APCDD1: variants seen among roughly 807,000 people sequenced by gnomAD.
APCDD1 encodes the protein protein APCDD1.
Under a neutral mutation model 38.1 loss-of-function variants are expected in APCDD1, and 15 were observed. That is an observed-to-expected ratio of 0.39 (90% CI 0.26 to 0.61). The LOEUF is 0.61. Ranked by LOEUF, APCDD1 falls within the 20% of genes least tolerant of loss-of-function variation. APCDD1 has a pLI of 0.49. For missense variants in APCDD1, 647 were observed against 696.2 expected, an observed-to-expected ratio of 0.93 and a Z score of 0.79; for synonymous variants, 261 against 279.7, an observed-to-expected ratio of 0.93 and a Z score of 0.67.
chr18:10,488,533 T>C lies in APCDD1; in HGVS notation c.*495T>C, dbSNP rs2031303840. The C allele has an allele frequency of 6.3e-6, 1 of 159,294 alleles. No individual in the cohort carries two copies. The highest frequency in any genetic ancestry group is 1.8e-4 in the South Asian group (1 of 5,504). 9.9% of individuals were successfully genotyped at this position (159,294 alleles called of 1,614,324 possible). On this transcript the variant is annotated 3_prime_UTR_variant, in exon 5 of 5. Coordinates refer to ENST00000355285, the MANE Select transcript of APCDD1 (RefSeq NM_153000.5). ...GGGACTGTGATCAAGACACCTTTTA[T>C]TAATAAAGAAGAGACACAGGTGTAG... is the stretch of plus-strand genomic sequence containing the variant.
Position 10,454,867 on chromosome 18 carries a change from A to C in APCDD1, c.-115A>C. The C allele has an allele frequency of 8.7e-7, 1 of 1,147,614 alleles. No individual in the cohort carries two copies. The highest frequency in any genetic ancestry group is 1.1e-6 in the Non-Finnish European group (1 of 930,926). 71.1% of individuals were successfully genotyped at this position (1,147,614 alleles called of 1,614,324 possible). ...CATGGGGCGCGCGGCAGCCGCCTGA[A>C]GCCCCGGCCTGGCCCGGCCGCACCC... is the stretch of plus-strand genomic sequence containing the variant. On this transcript the variant is annotated 5_prime_UTR_variant, in exon 1 of 5. Transcript: ENST00000355285.
At chr18:10,464,062 T>C (rs1386795979) in intron 1 of APCDD1, among the ~76,000 whole-genome samples, 3 of 152,234 alleles carry the variant, frequency 2.0e-5, no homozygotes, top group African/African-American at 4.8e-5. Context: ...GTCTTTTTTT[T>C]CCTGCTTTCC....
chr18:10,486,954 T>TC (rs1290638834), intron 4 of APCDD1, among the ~76,000 whole-genome samples: 7 of 152,240 alleles, frequency 4.6e-5, no homozygotes, highest in Non-Finnish European at 1.5e-5. Context: ...TTTACTTGAC[T>TC]CCACCCTGAA....
intron 3 of APCDD1, chr18:10,477,523 G>A (rs954744512): frequency 6.6e-6 from 1 of 152,230 alleles, no homozygotes; most frequent in South Asian, 2.1e-4. Context: ...TATTTCAGCA[G>A]ATAAACAGGC....
At chr18:10,466,662 A>G (rs528109992) in intron 1 of APCDD1, among the ~76,000 whole-genome samples, 1 of 152,346 alleles carries the variant, frequency 6.6e-6, no homozygotes, top group South Asian at 2.1e-4. Context: ...AATGCCCAGG[A>G]GTACCACTCT....
In APCDD1 at chr18:10,471,847, A is replaced by T; in HGVS notation, c.560A>T (p.Tyr187Phe). Residue 187 changes from tyrosine (Y) to phenylalanine (F), a missense_variant, in exon 3 of 5, where the codon TAT (tyrosine) becomes TTT (phenylalanine). Physicochemically the swap from Tyr to Phe is conservative, Grantham distance 22. Coordinates refer to ENST00000355285, the MANE Select transcript of APCDD1 (RefSeq NM_153000.5). This position sits in a 1 kb window ranked among gnomAD's most constrained non-coding sequence, Gnocchi z 5.5. ...DGGPWVQDVA[Y>F]DLWREENGCE... Reference sequence around the variant, plus strand: ...GGTCCCTGGGTGCAGGACGTGGCCTATGACCTCTGGCGAGAGGAGAACGGC... The same window carrying T: ...GGTCCCTGGGTGCAGGACGTGGCCTTTGACCTCTGGCGAGAGGAGAACGGC... The T allele has an allele frequency of 6.2e-7, 1 of 1,614,202 alleles. No homozygotes were observed.
At chr18:10,455,889 C>G (rs2030368689) in intron 1 of APCDD1, among the ~76,000 whole-genome samples, 1 of 152,178 alleles carries the variant, frequency 6.6e-6, no homozygotes. Context: ...CGTGGCAGAT[C>G]ACGTCGTGTT....
At chr18:10,464,427 A>G (rs2030656965) in intron 1 of APCDD1, among the ~76,000 whole-genome samples, 1 of 151,732 alleles carries the variant, frequency 6.6e-6, no homozygotes, top group South Asian at 2.1e-4. Flanking sequence ...ATAGTGTTTT[A>G]TTTGTTTATT....
rs183438706 is a variant in APCDD1, at chr18:10,458,583, A to G, written c.58+3544A>G. On this transcript the variant is annotated intron_variant, in intron 1 of 4. Coordinates refer to ENST00000355285, the MANE Select transcript of APCDD1 (RefSeq NM_153000.5). The stretch of plus-strand genomic sequence containing the variant: ...ACAGATGTTAAATATCCTCTGTTAA[A>G]GAGATTGACAAGCCAATTTCATTCT... Among the ~76,000 whole-genome samples the G allele has an allele frequency of 1.3e-3, 195 of 152,306 alleles. 1 individual carries two copies. Among genetic ancestry groups the G allele is most frequent in the African/African-American group, 4.4e-3 (181 of 41,566 alleles).
At chr18:10,464,478 A>G (rs961919683) in intron 1 of APCDD1, among the ~76,000 whole-genome samples, 4 of 152,204 alleles carry the variant, frequency 2.6e-5, no homozygotes, top group African/African-American at 9.7e-5. Context: ...GCTGGAGTGC[A>G]GTGGTGCGAT....
At position 10,471,750 on chromosome 18, in the gene APCDD1, C is replaced by T; in HGVS notation, c.463C>T (p.His155Tyr). The T allele has an allele frequency of 1.2e-6, 2 of 1,613,786 alleles. No homozygotes were observed. Among genetic ancestry groups the T allele is most frequent in the Non-Finnish European group, 1.7e-6 (2 of 1,179,780 alleles). The change falls in exon 3 of 5, where the codon CAC becomes TAC. Residue 155 changes from histidine (H) to tyrosine (Y), a missense_variant. His to Tyr is a moderately conservative substitution (Grantham distance 83). Coordinates refer to ENST00000355285, the MANE Select transcript of APCDD1 (RefSeq NM_153000.5). This position sits in a 1 kb window ranked among gnomAD's most constrained non-coding sequence, Gnocchi z 5.5. Reference sequence around the variant, plus strand: ...GCTGCACAACGTCCAGGTGATCTGCCACACAGAGGCGGTGGCCGAGAAGCT... The same window carrying T: ...GCTGCACAACGTCCAGGTGATCTGCTACACAGAGGCGGTGGCCGAGAAGCT... ...YQLHNVQVIC[H>Y]TEAVAEKLGQ...
intron 2 of APCDD1, 144 bp downstream of exon 2, chr18:10,468,796 CTT>C: frequency 1.2e-6 from 1 of 869,348 alleles, no homozygotes. Context: ...CCAAACCACT[CTT>C]TGAAATTATG....
rs1327446856 is a variant in APCDD1 at position 10,485,194 on chromosome 18, A to G, written c.775-268A>G. ...CTTTTTGAAATCAAGTGTCCAGTGC[A>G]TGTGGTCTGAAAACTTAATAGGATT... On this transcript the variant is annotated intron_variant, in intron 3 of 4. Coordinates refer to ENST00000355285, the MANE Select transcript of APCDD1 (RefSeq NM_153000.5). The surrounding 1 kb of genome is among the most constrained non-coding windows in gnomAD (Gnocchi z 5.8). 1.3e-5 allele frequency among the ~76,000 whole-genome samples: 2 copies of G among 152,202 alleles called. No homozygotes were observed. The highest frequency in any genetic ancestry group is 2.9e-5 in the Non-Finnish European group (2 of 68,038).
intron 4 of APCDD1, 140 bp from the exon 5 acceptor site, chr18:10,487,450 A>C: frequency 1.2e-6 from 1 of 811,518 alleles, no homozygotes. Flanking sequence ...TACTGCTGTC[A>C]GATGGGTGGG....
At chr18:10,480,442 A>T (rs1207004022) in intron 3 of APCDD1, among the ~76,000 whole-genome samples, 1 of 152,218 alleles carries the variant, frequency 6.6e-6, no homozygotes, top group Non-Finnish European at 1.5e-5. Context: ...GCCAAAGATT[A>T]TGAGAATTAG....
chr18:10,465,240 G>A (rs984758217), intron 1 of APCDD1, among the ~76,000 whole-genome samples: 3 of 152,170 alleles, frequency 2.0e-5, no homozygotes, highest in Non-Finnish European at 4.4e-5. Flanking sequence ...CAGCCATGAG[G>A]GGTGACATTC....
In APCDD1 at chr18:10,485,464, C is replaced by T; in HGVS notation, c.777C>T (p.Asn259=). The T allele has an allele frequency of 6.2e-7, 1 of 1,613,980 alleles. No homozygotes were observed. The highest frequency in any genetic ancestry group is 1.1e-5 in the South Asian group (1 of 91,078). Residue 259 remains asparagine (N), a splice_region_variant and synonymous_variant, in exon 4 of 5, where the codon AAC becomes AAT. Transcript: ENST00000355285. The surrounding 1 kb of genome is among the most constrained non-coding windows in gnomAD (Gnocchi z 5.8). ...ATGTGTTTGTTTCTTGGCTTCAGAACCACGACCATGCCTGCATCGCCTGTC... is the reference window on the plus strand; with the variant it reads ...ATGTGTTTGTTTCTTGGCTTCAGAATCACGACCATGCCTGCATCGCCTGTC... ...SYQPPLQNAK[N]HDHACIACRI...
In APCDD1 at chr18:10,471,661, G is replaced by A. The variant is rs186616216; in HGVS notation, c.374G>A (p.Arg125Gln). Residue 125 changes from arginine (R) to glutamine (Q), a missense_variant, in exon 3 of 5, where the codon CGG becomes CAG. Transcript: ENST00000355285. This position sits in a 1 kb window ranked among gnomAD's most constrained non-coding sequence, Gnocchi z 5.5. The stretch of plus-strand genomic sequence containing the variant: ...AATCCCACTTATACTCTCATCATCC[G>A]GGGCAAGATCCGCCTCCGCCAGGCC... ...CTNPTYTLII[R>Q]GKIRLRQASW... 50 of 1,614,076 alleles carry A rather than the reference G, an allele frequency of 3.1e-5. No individual in the cohort carries two copies. In the African/African-American group the frequency reaches 3.5e-4, roughly 11 times the overall value.
At chr18:10,486,162 G>T (rs535493329) in intron 4 of APCDD1, among the ~76,000 whole-genome samples, 49 of 152,288 alleles carry the variant, frequency 3.2e-4, no homozygotes, top group African/African-American at 8.7e-4. Flanking sequence ...AACCAGCCTG[G>T]GCAACATAGT....
Sources: gnomAD v4.1 joint callset for allele counts (sites outside exome capture counted in the v4.1 genomes callset) on GRCh38, gnomAD v4.1.1 for gene constraint, Gnocchi (gnomAD v3.1) non-coding constraint, MANE v1.5 for transcripts, NCBI Gene and HGNC (gene_info 2026-07-23, HGNC 2026-07-21) for gene names.